The following RBFOX1 variants were observed in gnomAD, a reference collection of about 807,000 sequenced individuals.
The protein encoded by RBFOX1 is RNA binding protein fox-1 homolog 1.
In RBFOX1, 8 loss-of-function variants were observed where a neutral mutation model predicts 57.7. The observed-to-expected ratio is 0.14, with a 90% CI of 0.08 to 0.25. The LOEUF (loss-of-function observed/expected upper bound fraction) is 0.25. Ranked by LOEUF, RBFOX1 falls within the 10% of genes least tolerant of loss-of-function variation. The pLI is 1.00. For missense variants in RBFOX1, 611 were observed against 548.5 expected (o/e 1.11, Z -1.14); for synonymous variants, 326 against 222.4 (o/e 1.47, Z -4.15).
intron 3 of RBFOX1, among the ~76,000 whole-genome samples, chr16:5,836,592 C>G (rs1021452280): frequency 2.6e-5 from 4 of 152,198 alleles, no homozygotes; most frequent in Non-Finnish European, 4.4e-5. Context: ...CATCTCAAAT[C>G]TCCATCTCCA....
intron 2 of RBFOX1, among the ~76,000 whole-genome samples, chr16:6,647,010 T>A (rs568836243): frequency 8.4e-4 from 128 of 152,318 alleles, no homozygotes; most frequent in Admixed American, 2.2e-3. Context: ...TGCCATAGAC[T>A]GGATAGCTTC....
At chr16:5,506,417 T>A (rs567959466) in intron 2 of RBFOX1, among the ~76,000 whole-genome samples, 1 of 152,342 alleles carries the variant, frequency 6.6e-6, no homozygotes, top group South Asian at 2.1e-4. Flanking sequence ...TTTCTTGGTC[T>A]AGTCCCAGCC....
chr16:6,715,270 T>C (rs1040237194), intron 3 of RBFOX1, among the ~76,000 whole-genome samples: 71 of 152,220 alleles, frequency 4.7e-4, no homozygotes, highest in African/African-American at 1.4e-3. Flanking sequence ...TTTAAAGTTT[T>C]TTTTTTTTCT....
At chr16:7,705,733 G>A (rs998612992) in intron 14 of RBFOX1, among the ~76,000 whole-genome samples, 1 of 152,170 alleles carries the variant, frequency 6.6e-6, no homozygotes, top group Non-Finnish European at 1.5e-5. Context: ...ATAGCTGCTG[G>A]TTTGAAGGAG....
At chr16:5,281,135 C>A (rs1471152574) in intron 1 of RBFOX1, among the ~76,000 whole-genome samples, 2 of 151,974 alleles carry the variant, frequency 1.3e-5, no homozygotes, top group Admixed American at 6.6e-5. Context: ...GATGTGTTTC[C>A]ATTTTCTGTT....
intron 3 of RBFOX1, among the ~76,000 whole-genome samples, chr16:5,840,729 C>T (rs567169819): frequency 1.5e-4 from 23 of 152,286 alleles, no homozygotes; most frequent in African/African-American, 5.3e-4. Flanking sequence ...GGAGCCTTCT[C>T]ACAGCACACT....
intron 4 of RBFOX1, among the ~76,000 whole-genome samples, chr16:7,067,951 A>ATT (rs60401242): frequency 0.014 from 1,741 of 121,126 alleles, 39 homozygotes; most frequent in African/African-American, 0.031. Flanking sequence ...AGAGGGCGCC[A>ATT]TTTTTTTTTT....
intron 2 of RBFOX1, among the ~76,000 whole-genome samples, chr16:6,394,948 G>C (rs867150995): frequency 1.6e-4 from 25 of 152,132 alleles, no homozygotes; most frequent in African/African-American, 5.6e-4. Flanking sequence ...GTTACATTTG[G>C]TCTTCTCTCC....
intron 4 of RBFOX1, among the ~76,000 whole-genome samples, chr16:7,130,743 C>G (rs1410747871): frequency 6.6e-6 from 1 of 152,132 alleles, no homozygotes; most frequent in African/African-American, 2.4e-5. Flanking sequence ...TGGCCAAATT[C>G]TTTGCCTTTA....
chr16:6,886,021 G>C (rs546173456), intron 3 of RBFOX1, among the ~76,000 whole-genome samples: 17 of 151,500 alleles, frequency 1.1e-4, no homozygotes, highest in Middle Eastern at 6.9e-3. Flanking sequence ...GAGATTTCAT[G>C]CATCAAGGAT....
chr16:6,894,405 C>T (rs572378830), intron 3 of RBFOX1, among the ~76,000 whole-genome samples: 2 of 152,220 alleles, frequency 1.3e-5, no homozygotes, highest in East Asian at 3.9e-4. Context: ...CCATTCAGCC[C>T]AAGTGGCAGC....
rs556352650 is a variant in RBFOX1 at position 5,926,575 on chromosome 16, C to T, written c.351+59240C>T. On this transcript the variant is annotated intron_variant, in intron 4 of 19. Transcript: ENST00000641259. Reference sequence around the variant, plus strand: ...GATTTGGATTCTACTACACCTCAGACTCGTAACTCGTTGTGTGACCTTGGA... The same window carrying T: ...GATTTGGATTCTACTACACCTCAGATTCGTAACTCGTTGTGTGACCTTGGA... Among the ~76,000 whole-genome samples the T allele has an allele frequency of 2.0e-5, 3 of 152,300 alleles. No individual in the cohort carries two copies. The South Asian group carries it at 6.2e-4, about 32-fold the overall frequency.
At chr16:6,410,557 C>G (rs910646611) in intron 2 of RBFOX1, among the ~76,000 whole-genome samples, 1 of 152,068 alleles carries the variant, frequency 6.6e-6, no homozygotes. Flanking sequence ...ATGATCCACC[C>G]GCCTCTGCCT....
intron 4 of RBFOX1, among the ~76,000 whole-genome samples, chr16:7,503,245 G>A (rs934664537): frequency 1.3e-5 from 2 of 152,134 alleles, no homozygotes; most frequent in African/African-American, 4.8e-5. Context: ...GACATTCTTA[G>A]TGGGATACCG....
intron 4 of RBFOX1, among the ~76,000 whole-genome samples, chr16:7,401,325 T>A (rs946316041): frequency 6.6e-6 from 1 of 152,230 alleles, no homozygotes; most frequent in Admixed American, 6.5e-5. Context: ...ATTACATTGC[T>A]TCTTTCAAGG....
intron 3 of RBFOX1, among the ~76,000 whole-genome samples, chr16:6,754,094 A>T (rs927230996): frequency 6.6e-6 from 1 of 152,150 alleles, no homozygotes; most frequent in Non-Finnish European, 1.5e-5. Flanking sequence ...ATTTTACCTA[A>T]GTATTTTGAG....
intron 1 of RBFOX1, among the ~76,000 whole-genome samples, chr16:5,451,189 C>G (rs1214321096): frequency 1.3e-5 from 2 of 152,158 alleles, no homozygotes; most frequent in Admixed American, 1.3e-4. Flanking sequence ...TTCCTCTGCT[C>G]TGATTGGTTC....
chr16:7,546,329 AAAATAAAATAAAATAAAATAAAAT>A (rs1282508087), intron 5 of RBFOX1, among the ~76,000 whole-genome samples: 2 of 178 alleles, frequency 0.011, no homozygotes, highest in Non-Finnish European at 0.1. Flanking sequence ...TCCACCTCAA[AAAATAAAATAAAATAAAATAAAAT>A]AAAATAAAAT....
chr16:6,805,865 C>G (rs1010142865), intron 3 of RBFOX1, among the ~76,000 whole-genome samples: 1 of 152,190 alleles, frequency 6.6e-6, no homozygotes. Context: ...TCACACTTGG[C>G]TCTTTCCAAC....
Sources: gnomAD v4.1 joint callset for allele counts (sites outside exome capture counted in the v4.1 genomes callset) on GRCh38, gnomAD v4.1.1 for gene constraint, MANE v1.5 for transcripts, NCBI Gene and HGNC (gene_info 2026-07-23, HGNC 2026-07-21) for gene names.